LUZP1: variants seen among roughly 807,000 people sequenced by gnomAD.
LUZP1 encodes filamin mechanobinding actin cross-linking protein.
A neutral mutation model predicts 71.3 loss-of-function variants in LUZP1; 25 were observed. The observed-to-expected ratio is 0.35, with a 90% CI of 0.26 to 0.49. The LOEUF (loss-of-function observed/expected upper bound fraction) is 0.49. Among genes scored for constraint, LUZP1 ranks in the 20% least tolerant of loss-of-function variants. The pLI is 0.99. For synonymous variants in LUZP1, 481 were observed against 506.4 expected (o/e 0.95, Z 0.67); for missense variants, 1,142 against 1,300.8 (o/e 0.88, Z 1.88).
intron 2 of LUZP1, among the ~76,000 whole-genome samples, chr1:23,111,073 G>A (rs1644027229): frequency 6.6e-6 from 1 of 151,162 alleles, no homozygotes; most frequent in African/African-American, 2.4e-5. Context: ...GGTGACATGT[G>A]CCTATAATCC....
chr1:23,166,172 A>G (rs1341951418), intron 2 of LUZP1, among the ~76,000 whole-genome samples: 1 of 152,164 alleles, frequency 6.6e-6, no homozygotes, highest in Non-Finnish European at 1.5e-5. Context: ...GCCCACAGTC[A>G]CCCAGTGGCT....
intron 2 of LUZP1, among the ~76,000 whole-genome samples, chr1:23,142,267 T>C (rs949302858): frequency 3.9e-5 from 6 of 152,208 alleles, no homozygotes; most frequent in African/African-American, 1.4e-4. Context: ...GTGCTGGGAT[T>C]ACAGGCATAA....
intron 2 of LUZP1, among the ~76,000 whole-genome samples, chr1:23,145,386 T>C (rs1000429421): frequency 6.6e-6 from 1 of 152,142 alleles, no homozygotes; most frequent in Non-Finnish European, 1.5e-5. Context: ...ATTTATTGTG[T>C]TTGTTTTGTG....
chr1:23,101,193 T>G (rs1267790848), intron 3 of LUZP1, among the ~76,000 whole-genome samples: 1 of 152,242 alleles, frequency 6.6e-6, no homozygotes, highest in Non-Finnish European at 1.5e-5. Flanking sequence ...GATCATTTAC[T>G]TTACATGTTC....
intron 4 of LUZP1, chr1:23,090,538 G>A (rs533342267): frequency 9.4e-5 from 26 of 276,934 alleles, no homozygotes; most frequent in Non-Finnish European, 1.5e-4. Context: ...CATAAGGCAG[G>A]TGGTTCTGGA....
exon 4 of LUZP1, chr1:23,091,259 C>T: frequency 6.2e-7 from 1 of 1,613,980 alleles, no homozygotes; most frequent in East Asian, 2.2e-5. Context: ...GGGTAAGCAC[C>T]TCTGACACAG....
At chr1:23,087,044 T>A (rs1425370890) in exon 5 of LUZP1, 1 of 152,154 alleles carries the variant, frequency 6.6e-6, no homozygotes, top group Non-Finnish European at 1.5e-5. Context: ...GTCTTCCTCT[T>A]GCCAGGAAAT....
At position 23,129,852 on chromosome 1, in the gene LUZP1, T is replaced by C. The variant is rs1487665687; in HGVS notation, c.-225-20725A>G. On this transcript the variant is annotated intron_variant, in intron 2 of 4. Coordinates refer to ENST00000302291, the Ensembl canonical transcript of LUZP1. Reference sequence around the variant, plus strand: ...ACCATGTGCCAGAATCACAATGGCATTGTATATCTGCCAGGGCTGAGTTTC... The same window carrying C: ...ACCATGTGCCAGAATCACAATGGCACTGTATATCTGCCAGGGCTGAGTTTC... 3.3e-5 allele frequency among the ~76,000 whole-genome samples: 5 copies of C among 152,174 alleles called. No individual in the cohort carries two copies. The South Asian group carries it at 8.3e-4, about 25-fold the overall frequency.
At chr1:23,135,229 A>C (rs1249959567) in intron 2 of LUZP1, among the ~76,000 whole-genome samples, 1 of 152,246 alleles carries the variant, frequency 6.6e-6, no homozygotes, top group Non-Finnish European at 1.5e-5. Context: ...AAATATGTGA[A>C]TAATCATAAT....
intron 2 of LUZP1, among the ~76,000 whole-genome samples, chr1:23,117,186 CT>C (rs1008876596): frequency 2.0e-5 from 3 of 152,228 alleles, no homozygotes; most frequent in African/African-American, 7.2e-5. Flanking sequence ...TGGCAACATG[CT>C]ATAAGGGAAA....
chr1:23,167,894 G>A (rs1229785791), intron 2 of LUZP1, among the ~76,000 whole-genome samples: 1 of 151,976 alleles, frequency 6.6e-6, no homozygotes, highest in Non-Finnish European at 1.5e-5. Context: ...GCGGCTGGGC[G>A]GGGGCCGGGG....
intron 2 of LUZP1, among the ~76,000 whole-genome samples, chr1:23,162,968 G>A (rs564837015): frequency 1.6e-4 from 24 of 152,186 alleles, no homozygotes; most frequent in Admixed American, 1.1e-3. Flanking sequence ...AAGGCTGGGT[G>A]CGGTGGCTCA....
At chr1:23,099,711 T>C (rs969979122) in intron 3 of LUZP1, among the ~76,000 whole-genome samples, 3 of 152,222 alleles carry the variant, frequency 2.0e-5, no homozygotes, top group African/African-American at 7.2e-5. Context: ...CTGGATGATA[T>C]GAATCAACTA....
chr1:23,131,285 A>G (rs866211453), intron 2 of LUZP1, among the ~76,000 whole-genome samples: 203 of 149,982 alleles, frequency 1.4e-3, no homozygotes, highest in African/African-American at 4.7e-3. Context: ...CTTCCCTCAG[A>G]TCTTCCCATG....
intron 2 of LUZP1, among the ~76,000 whole-genome samples, chr1:23,123,978 C>T (rs1385391095): frequency 6.6e-6 from 1 of 152,008 alleles, no homozygotes; most frequent in Non-Finnish European, 1.5e-5. Context: ...AAAACAAAAA[C>T]ATTCAGATGT....
chr1:23,175,189 G>A (rs1017778218), intron 1 of LUZP1, among the ~76,000 whole-genome samples: 4 of 152,058 alleles, frequency 2.6e-5, no homozygotes, highest in Non-Finnish European at 5.9e-5. Flanking sequence ...CAAGACATGT[G>A]CAACATCAAA....
chr1:23,094,282 G>A lies in LUZP1; in HGVS notation c.-21C>T, dbSNP rs768732320. 3 of 1,554,590 alleles carry A rather than the reference G, an allele frequency of 1.9e-6. No homozygotes were observed. The highest frequency in any genetic ancestry group is 2.6e-6 in the Non-Finnish European group (3 of 1,155,328). ...GCCATGTCTACTGCCAGCCAATGTGGGCTCCTAGAGGCATCCAATTCCACT... is the reference window on the plus strand; with the variant it reads ...GCCATGTCTACTGCCAGCCAATGTGAGCTCCTAGAGGCATCCAATTCCACT... On this transcript the variant is annotated 5_prime_UTR_variant, in exon 4 of 5. Transcript: ENST00000302291. The surrounding 1 kb of genome is among the most constrained non-coding windows in gnomAD (Gnocchi z 4.7).
At chr1:23,131,514 T>C (rs1644215004) in intron 2 of LUZP1, among the ~76,000 whole-genome samples, 1 of 152,140 alleles carries the variant, frequency 6.6e-6, no homozygotes, top group Non-Finnish European at 1.5e-5. Context: ...AATTTTGAGT[T>C]CTGTTCACCA....
exon 5 of LUZP1, chr1:23,088,673 T>G (rs1350712742): frequency 2.0e-6 from 1 of 510,156 alleles, no homozygotes; most frequent in African/African-American, 1.9e-5. Context: ...AGAGGACTCG[T>G]GCATTGGGGA....
Sources: gnomAD v4.1 joint callset for allele counts (sites outside exome capture counted in the v4.1 genomes callset) on GRCh38, gnomAD v4.1.1 for gene constraint, Gnocchi (gnomAD v3.1) non-coding constraint, MANE v1.5 for transcripts, NCBI Gene and HGNC (gene_info 2026-07-23, HGNC 2026-07-21) for gene names.